Variants in LURAP1L observed in about 807,000 individuals in gnomAD.
The protein encoded by LURAP1L is leucine rich adaptor protein 1-like.
In LURAP1L, 12 loss-of-function variants were observed where a neutral mutation model predicts 13.8. The observed-to-expected ratio is 0.87, with a 90% CI of 0.56 to 1.41. The LOEUF (loss-of-function observed/expected upper bound fraction) is 1.41. Among genes scored for constraint, LURAP1L ranks in the 40% most tolerant of loss-of-function variants. The pLI, the probability that LURAP1L is intolerant of heterozygous loss-of-function variation, is 0.00. For synonymous variants in LURAP1L, 139 were observed against 119.2 expected (o/e 1.17, Z -1.08); for missense variants, 375 against 292.9 (o/e 1.28, Z -2.04).
chr9:12,786,581 T>TATATATATATATATATATATAAAAAC (rs61134838), intron 1 of LURAP1L, among the ~76,000 whole-genome samples: 1 of 121,438 alleles, frequency 8.2e-6, no homozygotes, highest in Non-Finnish European at 1.8e-5. Flanking sequence ...TATATATATA[T>TATATATATATATATATATATAAAAAC]AAACCCTTGT....
intron 1 of LURAP1L, among the ~76,000 whole-genome samples, chr9:12,804,163 A>C (rs1026535000): frequency 1.3e-5 from 2 of 152,134 alleles, no homozygotes; most frequent in Non-Finnish European, 2.9e-5. Context: ...GAAGTGGATA[A>C]ATAATGACTA....
At chr9:12,785,224 A>G (rs998187424) in intron 1 of LURAP1L, among the ~76,000 whole-genome samples, 1 of 151,932 alleles carries the variant, frequency 6.6e-6, no homozygotes, top group Non-Finnish European at 1.5e-5. Flanking sequence ...ACTATGGCTG[A>G]GGTAGTATTT....
chr9:12,800,879 C>T (rs932003769), intron 1 of LURAP1L, among the ~76,000 whole-genome samples: 8 of 152,104 alleles, frequency 5.3e-5, no homozygotes, highest in African/African-American at 1.9e-4. Context: ...CAGACTAATA[C>T]ACTTAGTAAC....
chr9:12,795,116 G>A (rs572744468), intron 1 of LURAP1L, among the ~76,000 whole-genome samples: 1 of 151,978 alleles, frequency 6.6e-6, no homozygotes, highest in Admixed American at 6.6e-5. Context: ...TACAACCCAA[G>A]CCCCATCTCA....
chr9:12,793,986 T>C (rs1219344014), intron 1 of LURAP1L, among the ~76,000 whole-genome samples: 3 of 152,114 alleles, frequency 2.0e-5, no homozygotes, highest in Non-Finnish European at 4.4e-5. Context: ...AAACTTGTTA[T>C]TGGCATTAAT....
chr9:12,806,170 T>C (rs565950812), intron 1 of LURAP1L, among the ~76,000 whole-genome samples: 14 of 152,126 alleles, frequency 9.2e-5, no homozygotes, highest in South Asian at 6.2e-4. Context: ...TACACAAATA[T>C]AGAGGGAACA....
Position 12,818,216 on chromosome 9 carries a change from C to T in LURAP1L, c.313-3170C>T, listed in dbSNP as rs564776364. Among the ~76,000 whole-genome samples the T allele has an allele frequency of 7.2e-5, 11 of 151,830 alleles. No individual in the cohort carries two copies. The East Asian group carries it at 1.9e-3, about 27-fold the overall frequency. ...TTTTGTTACTTCATAGTCCACTCCTCTTTTCTTCTTACTGCTTAATAAAAC... is the reference window on the plus strand; with the variant it reads ...TTTTGTTACTTCATAGTCCACTCCTTTTTTCTTCTTACTGCTTAATAAAAC... On this transcript the variant is annotated intron_variant, in intron 1 of 1. Coordinates refer to ENST00000319264, the MANE Select transcript of LURAP1L (RefSeq NM_203403.2).
chr9:12,820,197 T>C (rs1034214570), intron 1 of LURAP1L, among the ~76,000 whole-genome samples: 5 of 151,888 alleles, frequency 3.3e-5, no homozygotes, highest in Non-Finnish European at 7.4e-5. Context: ...TGAAGTAACT[T>C]AGAGCTATCA....
At chr9:12,785,389 C>G (rs923669210) in intron 1 of LURAP1L, among the ~76,000 whole-genome samples, 2 of 152,086 alleles carry the variant, frequency 1.3e-5, no homozygotes, top group African/African-American at 4.8e-5. Context: ...GTCCTGTACA[C>G]CCTAAGTCTA....
At chr9:12,818,214 CTCTTT>C (rs1397326787) in intron 1 of LURAP1L, among the ~76,000 whole-genome samples, 1 of 151,856 alleles carries the variant, frequency 6.6e-6, no homozygotes, top group Non-Finnish European at 1.5e-5. Flanking sequence ...TAGTCCACTC[CTCTTT>C]TCTTCTTACT....
At chr9:12,803,958 C>T (rs900052188) in intron 1 of LURAP1L, among the ~76,000 whole-genome samples, 9 of 152,182 alleles carry the variant, frequency 5.9e-5, no homozygotes, top group African/African-American at 2.2e-4. Context: ...TGCTGAATTG[C>T]ATACCATCTG....
intron 1 of LURAP1L, among the ~76,000 whole-genome samples, chr9:12,788,474 C>G (rs545189688): frequency 6.6e-6 from 1 of 151,952 alleles, no homozygotes; most frequent in Non-Finnish European, 1.5e-5. Flanking sequence ...GGAAATTTAT[C>G]CTATAGAAAT....
intron 1 of LURAP1L, among the ~76,000 whole-genome samples, chr9:12,816,750 G>C (rs543536761): frequency 2.6e-5 from 4 of 152,246 alleles, no homozygotes; most frequent in East Asian, 1.9e-4. Context: ...ACAGAGACCT[G>C]TGACATCATA....
chr9:12,816,701 C>CA (rs1208345586), intron 1 of LURAP1L, among the ~76,000 whole-genome samples: 1 of 152,084 alleles, frequency 6.6e-6, no homozygotes, highest in African/African-American at 2.4e-5. Flanking sequence ...CATCACCTGT[C>CA]AAAAAAATGA....
intron 1 of LURAP1L, among the ~76,000 whole-genome samples, chr9:12,782,119 A>G (rs2118464240): frequency 6.6e-6 from 1 of 152,248 alleles, no homozygotes; most frequent in African/African-American, 2.4e-5. Context: ...CATTTTTCCT[A>G]CTGAGTTGTT....
intron 1 of LURAP1L, among the ~76,000 whole-genome samples, chr9:12,792,630 C>A (rs1408247625): frequency 6.6e-6 from 1 of 152,052 alleles, no homozygotes; most frequent in Non-Finnish European, 1.5e-5. Context: ...TCAAACTATG[C>A]TATCACTATT....
rs374048758 is a variant in LURAP1L, at chr9:12,788,187, G to GAAAGAAAGAAAGAAAGAAAGAAAGA, written c.312+12167_312+12168insGAAAGAAAGAAAGAAAGAAAAGAAA. On this transcript the variant is annotated intron_variant, in intron 1 of 1. Transcript: ENST00000319264. ...AGAAAGAAAGAAAGAAAGAAAGAAA[G>GAAAGAAAGAAAGAAAGAAAGAAAGA]AAAGAAAAGAAAAGAAAAGAAAAGC... 1.6e-3 allele frequency among the ~76,000 whole-genome samples: 222 copies of GAAAGAAAGAAAGAAAGAAAGAAAGA among 136,642 alleles called. 1 individual carries two copies. The highest frequency in any genetic ancestry group is 5.4e-3 in the African/African-American group (202 of 37,384). 89.6% of individuals were successfully genotyped at this position (136,642 alleles called of 152,430 possible). A position where few individuals can be genotyped will look rare whatever the true frequency, so the allele number is the denominator to read the frequency against.
At position 12,775,818 on chromosome 9, in the gene LURAP1L, C is replaced by A. The variant is rs1448976514; in HGVS notation, c.103C>A (p.Pro35Thr). 6.2e-7 allele frequency: 1 copy of A among 1,606,078 alleles called. No homozygotes were observed. Among genetic ancestry groups the A allele is most frequent in the South Asian group, 1.1e-5 (1 of 90,554 alleles). ...CTCTCTCCGTGGGGAGGAGCCGGTT[C>A]CCAGGGAAAGGGACAGGGACCCCTG... ...VRSLRGEEPV[P>T]RERDRDPCGG... Residue 35 changes from proline (P) to threonine (T), a missense_variant, in exon 1 of 2, where the codon CCC (proline) becomes ACC (threonine). Physicochemically the swap from Pro to Thr is conservative, Grantham distance 38. Transcript: ENST00000319264.
chr9:12,820,689 C>T (rs1819866956), intron 1 of LURAP1L, among the ~76,000 whole-genome samples: 1 of 152,058 alleles, frequency 6.6e-6, no homozygotes, highest in African/African-American at 2.4e-5. Flanking sequence ...TAGTGTATCA[C>T]CCATCCTTTG....
Sources: gnomAD v4.1 joint callset for allele counts (sites outside exome capture counted in the v4.1 genomes callset) on GRCh38, gnomAD v4.1.1 for gene constraint, MANE v1.5 for transcripts, NCBI Gene and HGNC (gene_info 2026-07-23, HGNC 2026-07-21) for gene names.